LRCH3: variants seen among roughly 807,000 people sequenced by gnomAD.
LRCH3 encodes the protein leucine rich repeats and calponin homology domain containing 3.
A neutral mutation model predicts 104.5 loss-of-function variants in LRCH3; 68 were observed. The observed-to-expected ratio is 0.65, with a 90% CI of 0.54 to 0.80. LRCH3 has a LOEUF of 0.80. Among genes scored for constraint, LRCH3 ranks in the 30% least tolerant of loss-of-function variants. LRCH3 has a pLI of 0.00. For synonymous variants in LRCH3, 344 were observed against 361.3 expected (o/e 0.95, Z 0.54); for missense variants, 951 against 953.9 (o/e 1.00, Z 0.04).
intron 1 of LRCH3, among the ~76,000 whole-genome samples, chr3:197,800,361 A>C (rs1731744037): frequency 6.6e-6 from 1 of 152,262 alleles, no homozygotes; most frequent in Non-Finnish European, 1.5e-5. Context: ...CCCAGGAGAA[A>C]ACTGAGAAAA....
chr3:197,791,616 C>CG (rs976731572), intron 1 of LRCH3, 76 bp downstream of exon 1: 18 of 1,441,908 alleles, frequency 1.2e-5, no homozygotes, highest in African/African-American at 3.0e-5. Context: ...GAGGCGGATG[C>CG]GGGGGAGTTA....
intron 3 of LRCH3, among the ~76,000 whole-genome samples, chr3:197,819,386 T>C (rs543305815): frequency 6.6e-6 from 1 of 152,064 alleles, no homozygotes; most frequent in Non-Finnish European, 1.5e-5. Context: ...CAACTTCTTT[T>C]AGAACCATTT....
chr3:197,816,515 G>A (rs1025388900), intron 2 of LRCH3, among the ~76,000 whole-genome samples: 19 of 152,094 alleles, frequency 1.2e-4, no homozygotes, highest in African/African-American at 4.1e-4. Flanking sequence ...CCTGACCTCC[G>A]GTGATCCACC....
rs1407428905 is a variant in LRCH3, at chr3:197,801,577, CCTTT to C, written c.262+10040_262+10043del. 2.6e-5 allele frequency among the ~76,000 whole-genome samples: 4 copies of C among 152,126 alleles called. No individual in the cohort carries two copies. The East Asian group carries it at 7.7e-4, about 29-fold the overall frequency. ...TGGCCATCTCTTTTTAAATTCTCTTCCTTTCTCTCTACCATCCCTCCTCCCCAGT... is the reference window on the plus strand; with the variant it reads ...TGGCCATCTCTTTTTAAATTCTCTTCCTCTCTACCATCCCTCCTCCCCAGT... On this transcript the variant is annotated intron_variant, in intron 1 of 20. Coordinates refer to ENST00000425562, the MANE Select transcript of LRCH3 (RefSeq NM_001365715.1).
chr3:197,840,339 T>C (rs1245284597), intron 10 of LRCH3, among the ~76,000 whole-genome samples: 1 of 152,138 alleles, frequency 6.6e-6, no homozygotes, highest in Non-Finnish European at 1.5e-5. Context: ...AGGTGGCACA[T>C]GCCTGTAGTC....
chr3:197,872,674 T>C (rs770480528), intron 19 of LRCH3, among the ~76,000 whole-genome samples: 10 of 152,184 alleles, frequency 6.6e-5, no homozygotes, highest in Non-Finnish European at 1.3e-4. Context: ...CTGGCCAACA[T>C]GGTGAAACCC....
chr3:197,802,133 G>T (rs1321576871), intron 1 of LRCH3, among the ~76,000 whole-genome samples: 4 of 152,166 alleles, frequency 2.6e-5, no homozygotes, highest in Non-Finnish European at 5.9e-5. Flanking sequence ...ATGAGACTGG[G>T]TTTACCAAGA....
intron 20 of LRCH3, chr3:197,880,478 TTC>T: frequency 6.7e-7 from 1 of 1,492,870 alleles, no homozygotes; most frequent in Non-Finnish European, 9.0e-7. Context: ...GACTTTGTTT[TTC>T]TGTTTTCCTT....
rs764922619 is a variant in LRCH3, at chr3:197,870,292, C to G, written c.1992+14C>G. ...CAACTGCGTAAAGTATGTACATTAC[C>G]TTTGATTTACACTTTTTCAGTATTA... On this transcript the variant is annotated intron_variant, in intron 18 of 20. Coordinates refer to ENST00000425562, the MANE Select transcript of LRCH3 (RefSeq NM_001365715.1). 4 of 1,607,648 alleles carry G rather than the reference C, an allele frequency of 2.5e-6. No individual in the cohort carries two copies. The highest frequency in any genetic ancestry group is 1.7e-6 in the Non-Finnish European group (2 of 1,175,116).
intron 10 of LRCH3, among the ~76,000 whole-genome samples, chr3:197,841,000 CAAGGTA>C (rs1737726846): frequency 6.6e-6 from 1 of 152,162 alleles, no homozygotes; most frequent in African/African-American, 2.4e-5. Context: ...TAGAAACCCT[CAAGGTA>C]AAAGCTGGCT....
At position 197,847,991 on chromosome 3, in the gene LRCH3, C is replaced by T. The variant is rs1739004039; in HGVS notation, c.1500C>T (p.Ile500=). The T allele has an allele frequency of 1.2e-6, 2 of 1,614,112 alleles. No homozygotes were observed. Among genetic ancestry groups the T allele is most frequent in the East Asian group, 2.2e-5 (1 of 44,878 alleles). Residue 500 remains isoleucine, a synonymous_variant, in exon 12 of 21, where the codon ATC becomes ATT. Coordinates refer to ENST00000425562, the MANE Select transcript of LRCH3 (RefSeq NM_001365715.1). ...AGGAGAAAATAAGGACCAAGCAGAT[C>T]CAGAGAGATGCTGTCCTGGACTTTG... is the stretch of plus-strand genomic sequence containing the variant. ...YEEEKIRTKQ[I]QRDAVLDFVK...
intron 1 of LRCH3, among the ~76,000 whole-genome samples, chr3:197,809,123 C>T (rs977660521): frequency 5.3e-5 from 8 of 151,890 alleles, no homozygotes; most frequent in Admixed American, 4.6e-4. Flanking sequence ...CATAGTGAGA[C>T]GTCTTCTCTA....
rs1735847881 is a variant in LRCH3 at position 197,830,942 on chromosome 3, C to T, written c.981+79C>T. On this transcript the variant is annotated intron_variant, in intron 7 of 20. Transcript: ENST00000425562. ...ATGATGAAAATGAAAAGCGTCTTAACTGGATTCAGTTTCTCACTACATAAA... is the reference window on the plus strand; with the variant it reads ...ATGATGAAAATGAAAAGCGTCTTAATTGGATTCAGTTTCTCACTACATAAA... 4 of 1,241,660 alleles carry T rather than the reference C, an allele frequency of 3.2e-6. No homozygotes were observed. In the Admixed American group the frequency reaches 7.1e-5, roughly 22 times the overall value. The allele number at this position is 1,241,660 out of a possible 1,614,324, so 76.9% of individuals were successfully genotyped here. A position where few individuals can be genotyped will look rare whatever the true frequency, so the allele number is the denominator to read the frequency against.
intron 1 of LRCH3, among the ~76,000 whole-genome samples, chr3:197,795,286 A>G (rs1407926354): frequency 1.9e-4 from 29 of 152,136 alleles, no homozygotes; most frequent in Admixed American, 1.9e-3. Flanking sequence ...CAATTTTCCT[A>G]GGGAACCACC....
At chr3:197,836,762 C>G (rs992303187) in intron 9 of LRCH3, among the ~76,000 whole-genome samples, 3 of 152,246 alleles carry the variant, frequency 2.0e-5, no homozygotes, top group African/African-American at 7.2e-5. Flanking sequence ...ACTGCAGCCT[C>G]TGCCTCCCAG....
chr3:197,867,763 G>C (rs1350169946), intron 17 of LRCH3, among the ~76,000 whole-genome samples: 1 of 152,142 alleles, frequency 6.6e-6, no homozygotes, highest in Non-Finnish European at 1.5e-5. Flanking sequence ...GCTGAGGCAG[G>C]AGAATGGTGT....
At chr3:197,801,528 A>G (rs958038097) in intron 1 of LRCH3, among the ~76,000 whole-genome samples, 4 of 152,034 alleles carry the variant, frequency 2.6e-5, no homozygotes, top group African/African-American at 4.8e-5. Flanking sequence ...TAACTCATGT[A>G]TTTCTCATGG....
intron 1 of LRCH3, among the ~76,000 whole-genome samples, chr3:197,809,700 T>A (rs1423097862): frequency 6.6e-6 from 1 of 152,174 alleles, no homozygotes; most frequent in African/African-American, 2.4e-5. Context: ...GTTGAACCCA[T>A]CCATTGAGCT....
chr3:197,804,866 T>C (rs1039540106), intron 1 of LRCH3, among the ~76,000 whole-genome samples: 4 of 152,150 alleles, frequency 2.6e-5, no homozygotes, highest in Admixed American at 6.6e-5. Flanking sequence ...AGAATCTATC[T>C]GTACCTCGAT....
Sources: gnomAD v4.1 joint callset for allele counts (sites outside exome capture counted in the v4.1 genomes callset) on GRCh38, gnomAD v4.1.1 for gene constraint, MANE v1.5 for transcripts, NCBI Gene and HGNC (gene_info 2026-07-23, HGNC 2026-07-21) for gene names.